STX8: variants seen among roughly 807,000 people sequenced by gnomAD.
STX8 encodes the protein syntaxin-8.
In STX8, 23 loss-of-function variants were observed where a neutral mutation model predicts 37.5. That is an observed-to-expected ratio of 0.61 (90% CI 0.44 to 0.87). STX8 has a LOEUF of 0.87. STX8 is among the 40% of genes least tolerant of loss of function. STX8 has a pLI of 0.00. For synonymous variants in STX8, 115 were observed against 99.1 expected, an observed-to-expected ratio of 1.16 and a Z score of -0.95; for missense variants, 313 against 284.7, an observed-to-expected ratio of 1.10 and a Z score of -0.71.
chr17:9,278,462 A>G (rs915872574), intron 7 of STX8, among the ~76,000 whole-genome samples: 71 of 152,176 alleles, frequency 4.7e-4, no homozygotes, highest in Non-Finnish European at 8.5e-4. Flanking sequence ...AAAAAAAAAA[A>G]AAATAGAAAC....
At chr17:9,413,125 C>CAAT (rs1211731274) in intron 6 of STX8, among the ~76,000 whole-genome samples, 1 of 152,164 alleles carries the variant, frequency 6.6e-6, no homozygotes, top group Non-Finnish European at 1.5e-5. Flanking sequence ...GGAGGCTGTG[C>CAAT]AATAGCACTG....
Position 9,263,018 on chromosome 17 carries a change from C to CT in STX8, c.644-12374dup, listed in dbSNP as rs1257339624. Among the ~76,000 whole-genome samples the CT allele has an allele frequency of 3.9e-5, 6 of 152,228 alleles. No individual in the cohort carries two copies. The South Asian group carries it at 1.2e-3, about 31-fold the overall frequency. The stretch of plus-strand genomic sequence containing the variant: ...TAAAAGTCATATTAGCATGCTTTTG[C>CT]TTTACTACTTTAGTCTTGAAAGGAT... On this transcript the variant is annotated intron_variant, in intron 7 of 7. Transcript: ENST00000306357.
intron 6 of STX8, among the ~76,000 whole-genome samples, chr17:9,477,495 GA>G (rs1020507232): frequency 1.3e-5 from 2 of 149,698 alleles, no homozygotes; most frequent in Middle Eastern, 3.4e-3. Context: ...CACTTGTGTG[GA>G]AAAAAAAAGC....
chr17:9,260,893 G>A lies in STX8; in HGVS notation c.644-10248C>T, dbSNP rs117644421. Among the ~76,000 whole-genome samples the A allele has an allele frequency of 5.8e-3, 889 of 152,326 alleles. 8 individuals carry two copies. The highest frequency in any genetic ancestry group is 7.1e-3 in the Admixed American group (108 of 15,306). ...CACTGCTCTGCAGGAACACAGAAACGTGGAAAGAATCAACTGGAAAGAAGG... is the reference window on the plus strand; with the variant it reads ...CACTGCTCTGCAGGAACACAGAAACATGGAAAGAATCAACTGGAAAGAAGG... On this transcript the variant is annotated intron_variant, in intron 7 of 7. Transcript: ENST00000306357.
chr17:9,406,446 G>GTCA, intron 6 of STX8, among the ~76,000 whole-genome samples: 1 of 152,270 alleles, frequency 6.6e-6, no homozygotes. Context: ...ATCTGAGCTT[G>GTCA]CCTCAATAGC....
chr17:9,361,699 G>A (rs9895973), intron 7 of STX8, among the ~76,000 whole-genome samples: 8,780 of 152,184 alleles, frequency 0.058, 849 homozygotes, highest in African/African-American at 0.2. Flanking sequence ...TGTAAGCAAC[G>A]TTAGATGTCA....
intron 6 of STX8, among the ~76,000 whole-genome samples, chr17:9,381,725 C>T (rs927391039): frequency 1.3e-5 from 2 of 152,170 alleles, no homozygotes; most frequent in African/African-American, 4.8e-5. Flanking sequence ...AATCCCAGCA[C>T]TTTGGGAGGC....
intron 7 of STX8, among the ~76,000 whole-genome samples, chr17:9,292,621 C>T (rs1908354463): frequency 6.6e-6 from 1 of 152,156 alleles, no homozygotes; most frequent in African/African-American, 2.4e-5. Context: ...GGAGTTTCCT[C>T]CTCTCACCTC....
chr17:9,460,152 T>C (rs901253674), intron 6 of STX8, among the ~76,000 whole-genome samples: 4 of 152,200 alleles, frequency 2.6e-5, no homozygotes, highest in African/African-American at 9.6e-5. Flanking sequence ...TCTTTGGGAA[T>C]GATAAAGGAG....
chr17:9,333,561 GT>G (rs1037717820), intron 7 of STX8, among the ~76,000 whole-genome samples: 6 of 151,626 alleles, frequency 4.0e-5, no homozygotes, highest in African/African-American at 1.5e-4. Flanking sequence ...CTAATATTTT[GT>G]ATTTTTTTAG....
intron 4 of STX8, among the ~76,000 whole-genome samples, chr17:9,509,357 TACCA>T (rs1036095915): frequency 1.6e-4 from 24 of 151,926 alleles, no homozygotes; most frequent in African/African-American, 5.8e-4. Context: ...GCAGAAATCT[TACCA>T]ACCAAGAGAG....
intron 6 of STX8, among the ~76,000 whole-genome samples, chr17:9,426,402 C>A (rs1913632024): frequency 6.6e-6 from 1 of 152,208 alleles, no homozygotes; most frequent in African/African-American, 2.4e-5. Flanking sequence ...TGGTCGGCAC[C>A]TGTGGTCCTA....
At chr17:9,542,845 A>G (rs78234325) in intron 4 of STX8, among the ~76,000 whole-genome samples, 1,705 of 152,286 alleles carry the variant, frequency 0.011, 36 homozygotes, top group African/African-American at 0.038. Flanking sequence ...TTTGTAACAC[A>G]CTGCCAGGTG....
At chr17:9,420,302 G>A (rs551824522) in intron 6 of STX8, among the ~76,000 whole-genome samples, 7 of 152,296 alleles carry the variant, frequency 4.6e-5, no homozygotes, top group East Asian at 3.9e-4. Context: ...TCTTAAGCCC[G>A]TGGCTCCACA....
chr17:9,273,057 G>A (rs1907529581), intron 7 of STX8, among the ~76,000 whole-genome samples: 1 of 152,366 alleles, frequency 6.6e-6, no homozygotes, highest in South Asian at 2.1e-4. Flanking sequence ...GGGGAAAACC[G>A]CCCTTTGGCG....
chr17:9,543,672 C>A (rs1228849019), intron 4 of STX8, among the ~76,000 whole-genome samples: 2 of 152,170 alleles, frequency 1.3e-5, no homozygotes, highest in Non-Finnish European at 2.9e-5. Context: ...TGGACCACCA[C>A]CTTCATCCAC....
In STX8 at chr17:9,397,878, C is replaced by T. The variant is rs181836850; in HGVS notation, c.542-19225G>A. On this transcript the variant is annotated intron_variant, in intron 6 of 7. Coordinates refer to ENST00000306357, the MANE Select transcript of STX8 (RefSeq NM_004853.3). ...TGGCAGTTGCCTGTAATATCAGGTA[C>T]TCAGGAAGCTGAGGCAGGAGAATCG... Among the ~76,000 whole-genome samples the T allele has an allele frequency of 4.0e-5, 6 of 151,202 alleles. No homozygotes were observed. In the South Asian group the frequency reaches 1.3e-3, roughly 32 times the overall value.
At chr17:9,469,037 T>A (rs1905733582) in intron 6 of STX8, 1 of 152,232 alleles carries the variant, frequency 6.6e-6, no homozygotes, top group Non-Finnish European at 1.5e-5. Context: ...AGGGAAGTGG[T>A]ACAGGTTAAG....
chr17:9,489,011 G>C (rs932129076), intron 6 of STX8, among the ~76,000 whole-genome samples: 4 of 152,124 alleles, frequency 2.6e-5, no homozygotes, highest in East Asian at 1.9e-4. Context: ...CAAGTAGCTG[G>C]GACTACAGGC....
Sources: allele counts gnomAD v4.1 joint callset (sites outside exome capture counted in the v4.1 genomes callset), GRCh38; gene constraint gnomAD v4.1.1; transcripts MANE v1.5; gene names NCBI Gene and HGNC (gene_info 2026-07-23, HGNC 2026-07-21).